UVRAG: variants seen among roughly 807,000 people sequenced by gnomAD.
UVRAG encodes the protein UV radiation resistance-associated gene protein.
A neutral mutation model predicts 78.0 loss-of-function variants in UVRAG; 19 were observed. The observed-to-expected ratio is 0.24, with a 90% CI of 0.17 to 0.36. The LOEUF (loss-of-function observed/expected upper bound fraction) is 0.36. Among genes scored for constraint, UVRAG ranks in the 10% least tolerant of loss-of-function variants. The pLI is 1.00. For synonymous variants in UVRAG, 323 were observed against 324.6 expected (o/e 1.00, Z 0.05); for missense variants, 740 against 853.8 (o/e 0.87, Z 1.66).
At chr11:76,006,630 C>T (rs1949945628) in intron 9 of UVRAG, among the ~76,000 whole-genome samples, 2 of 116,092 alleles carry the variant, frequency 1.7e-5, no homozygotes, top group Admixed American at 1.3e-4. Context: ...CACTGTACTC[C>T]AGCCTGAGTG....
At chr11:76,048,789 T>G (rs1950810551) in intron 12 of UVRAG, among the ~76,000 whole-genome samples, 1 of 152,192 alleles carries the variant, frequency 6.6e-6, no homozygotes, top group Non-Finnish European at 1.5e-5. Context: ...GCAGGTAAAG[T>G]TTTTAGGCTT....
At chr11:76,093,737 A>T (rs1951743140) in intron 13 of UVRAG, among the ~76,000 whole-genome samples, 1 of 152,202 alleles carries the variant, frequency 6.6e-6, no homozygotes, top group Non-Finnish European at 1.5e-5. Flanking sequence ...AAAGTTACTT[A>T]TTGGCTTAAA....
At chr11:76,036,700 C>A (rs1950541341) in intron 12 of UVRAG, among the ~76,000 whole-genome samples, 2 of 149,000 alleles carry the variant, frequency 1.3e-5, no homozygotes. Flanking sequence ...GAAGACATGG[C>A]AAGAAAGAAA....
intron 13 of UVRAG, among the ~76,000 whole-genome samples, chr11:76,107,847 G>A (rs1471930674): frequency 1.3e-5 from 2 of 151,626 alleles, no homozygotes; most frequent in Non-Finnish European, 1.5e-5. Flanking sequence ...AAACTTAGTA[G>A]TACTTAAAAA....
rs550864629 is a variant in UVRAG at position 75,877,998 on chromosome 11, G to T, written c.271-1881G>T. On this transcript the variant is annotated intron_variant, in intron 3 of 14. Transcript: ENST00000356136. Reference sequence around the variant, plus strand: ...CCCTCCCAGACGGGGCGGCTGCCGGGCGGAGACGCTCCTCACTTCCCAGAC... The same window carrying T: ...CCCTCCCAGACGGGGCGGCTGCCGGTCGGAGACGCTCCTCACTTCCCAGAC... Among the ~76,000 whole-genome samples, 283 of 150,970 alleles carry T rather than the reference G, an allele frequency of 1.9e-3. 2 individuals are homozygous for T. Among genetic ancestry groups the T allele is most frequent in the African/African-American group, 6.4e-3 (264 of 41,124 alleles).
At position 75,894,422 on chromosome 11, in the gene UVRAG, A is replaced by G. The variant is rs907229028; in HGVS notation, c.507+5519A>G. On this transcript the variant is annotated intron_variant, in intron 5 of 14. Coordinates refer to ENST00000356136, the MANE Select transcript of UVRAG (RefSeq NM_003369.4). ...AGCATTGCCCTAGACAACAATAATG[A>G]GAGTGGGTGTTCAAAGGGTTAAGAC... Among the ~76,000 whole-genome samples the G allele has an allele frequency of 2.0e-5, 3 of 152,258 alleles. No individual in the cohort carries two copies. In the South Asian group the frequency reaches 6.2e-4, roughly 32 times the overall value.
At chr11:76,022,165 A>G (rs961943858) in intron 12 of UVRAG, among the ~76,000 whole-genome samples, 5 of 152,140 alleles carry the variant, frequency 3.3e-5, no homozygotes, top group African/African-American at 1.2e-4. Context: ...TGATAGTTTT[A>G]TGATTGTAAT....
chr11:75,970,764 G>A (rs1352181664), intron 7 of UVRAG, among the ~76,000 whole-genome samples: 1 of 150,336 alleles, frequency 6.7e-6, no homozygotes, highest in Non-Finnish European at 1.5e-5. Flanking sequence ...TAGGCAGAAA[G>A]TACAGAGTTC....
At chr11:75,902,768 C>T (rs1947532616) in intron 5 of UVRAG, among the ~76,000 whole-genome samples, 1 of 151,980 alleles carries the variant, frequency 6.6e-6, no homozygotes, top group South Asian at 2.1e-4. Flanking sequence ...GCTACTTTTC[C>T]CTCTCCATTG....
intron 14 of UVRAG, among the ~76,000 whole-genome samples, chr11:76,121,669 A>G (rs753507233): frequency 7.2e-5 from 11 of 152,076 alleles, no homozygotes; most frequent in Non-Finnish European, 1.3e-4. Context: ...TTGTCTCTCC[A>G]CCACTCTCCC....
intron 13 of UVRAG, among the ~76,000 whole-genome samples, chr11:76,096,915 CA>C: frequency 6.6e-6 from 1 of 152,146 alleles, no homozygotes; most frequent in African/African-American, 2.4e-5. Context: ...CATCCTCGCC[CA>C]AACTGAGGCC....
intron 1 of UVRAG, among the ~76,000 whole-genome samples, chr11:75,828,693 GTGTGTATATATATATA>G (rs1252541704): frequency 1.8e-5 from 1 of 55,098 alleles, no homozygotes; most frequent in African/African-American, 4.4e-5. Flanking sequence ...ATATACATGT[GTGTGTATATATATATA>G]TGTGTATATA....
chr11:75,874,284 A>AAC (rs906771646), intron 3 of UVRAG, among the ~76,000 whole-genome samples: 7 of 152,002 alleles, frequency 4.6e-5, no homozygotes, highest in African/African-American at 1.4e-4. Context: ...AAAAAACAAC[A>AAC]ACACACACAC....
At position 76,132,269 on chromosome 11, in the gene UVRAG, G is replaced by C. The variant is rs117254642; in HGVS notation, c.1398-8442G>C. Among the ~76,000 whole-genome samples the C allele has an allele frequency of 4.0e-3, 605 of 152,288 alleles. 8 individuals are homozygous for C. Among genetic ancestry groups the C allele is most frequent in the East Asian group, 0.024 (125 of 5,184 alleles). On this transcript the variant is annotated intron_variant, in intron 14 of 14. Transcript: ENST00000356136. Reference sequence around the variant, plus strand: ...GAGGTCATAGATTGCTACAAGGAGGGAGAAAGAAGAAGATCAAATGTTGTT... The same window carrying C: ...GAGGTCATAGATTGCTACAAGGAGGCAGAAAGAAGAAGATCAAATGTTGTT...
intron 12 of UVRAG, among the ~76,000 whole-genome samples, chr11:76,061,590 A>T (rs1239322989): frequency 6.6e-6 from 1 of 151,718 alleles, no homozygotes; most frequent in African/African-American, 2.4e-5. Context: ...AGGAACGAAC[A>T]ACTCCAGACG....
At chr11:75,903,275 A>G (rs774037334) in intron 5 of UVRAG, among the ~76,000 whole-genome samples, 18 of 152,256 alleles carry the variant, frequency 1.2e-4, no homozygotes, top group Admixed American at 3.9e-4. Context: ...CCTTCCTTAA[A>G]TGTAGCTCTG....
At position 75,921,509 on chromosome 11, in the gene UVRAG, C is replaced by A. The variant is rs200307576; in HGVS notation, c.593+9470C>A. Among the ~76,000 whole-genome samples, 27 of 152,098 alleles carry A rather than the reference C, an allele frequency of 1.8e-4. No homozygotes were observed. The East Asian group carries it at 5.0e-3, about 28-fold the overall frequency. On this transcript the variant is annotated intron_variant, in intron 6 of 14. Transcript: ENST00000356136. ...GACAATTACATCTTGACTTATGATA[C>A]CTTATACAAAAAGTTCATATTTGTT...
chr11:75,892,143 C>T (rs1947225432), intron 5 of UVRAG, among the ~76,000 whole-genome samples: 2 of 152,114 alleles, frequency 1.3e-5, no homozygotes, highest in South Asian at 4.1e-4. Context: ...AAAGCCTGAG[C>T]CTCCAAGCCA....
Position 75,920,616 on chromosome 11 carries a change from C to T in UVRAG, c.593+8577C>T, listed in dbSNP as rs184828477. Among the ~76,000 whole-genome samples the T allele has an allele frequency of 1.9e-3, 295 of 151,902 alleles. No homozygotes were observed. The Middle Eastern group carries it at 0.02, about 11-fold the overall frequency. On this transcript the variant is annotated intron_variant, in intron 6 of 14. Transcript: ENST00000356136. ...CCCCCATTCCGCTGCCAGCAAACCA[C>T]CCAAACACAGAACATAGGTCCGCAT...
Sources: gnomAD v4.1 joint callset for allele counts (sites outside exome capture counted in the v4.1 genomes callset) on GRCh38, gnomAD v4.1.1 for gene constraint, MANE v1.5 for transcripts, NCBI Gene and HGNC (gene_info 2026-07-23, HGNC 2026-07-21) for gene names.